Variants in AKT3 observed in about 807,000 individuals in gnomAD.
The protein encoded by AKT3 is RAC-gamma serine/threonine-protein kinase.
In AKT3, 15 loss-of-function variants were observed where a neutral mutation model predicts 65.3. That is an observed-to-expected ratio of 0.23 (90% confidence interval 0.15 to 0.35). AKT3 has a LOEUF of 0.35. Among genes scored for constraint, AKT3 ranks in the 10% least tolerant of loss-of-function variants. AKT3 has a pLI of 1.00. For synonymous variants in AKT3, 206 were observed against 183.8 expected (o/e 1.12, Z -0.98); for missense variants, 243 against 576.5 (o/e 0.42, Z 5.92).
chr1:243,697,057 T>C (rs952718454), intron 2 of AKT3, among the ~76,000 whole-genome samples: 1 of 152,072 alleles, frequency 6.6e-6, no homozygotes, highest in African/African-American at 2.4e-5. Flanking sequence ...TCTCTTTATA[T>C]CCTTAAATAT....
chr1:243,702,396 G>A lies in AKT3; in HGVS notation c.47-6680C>T, dbSNP rs76107267. On this transcript the variant is annotated intron_variant, in intron 2 of 13. Transcript: ENST00000673466. Reference sequence around the variant, plus strand: ...TGAATCCTAATCACATCATTTATTAGATGCATGAACCTAACCTCTTTACAT... The same window carrying A: ...TGAATCCTAATCACATCATTTATTAAATGCATGAACCTAACCTCTTTACAT... 3.7e-3 allele frequency among the ~76,000 whole-genome samples: 562 copies of A among 152,206 alleles called. 2 individuals are homozygous for A. Among genetic ancestry groups the A allele is most frequent in the Admixed American group, 6.1e-3 (93 of 15,284 alleles).
chr1:243,582,780 G>C (rs949147612), intron 8 of AKT3, among the ~76,000 whole-genome samples: 3 of 151,910 alleles, frequency 2.0e-5, no homozygotes, highest in Non-Finnish European at 4.4e-5. Context: ...GAATGTAAAT[G>C]GTCTAAACAC....
intron 3 of AKT3, 84 bp from the exon 4 acceptor site, chr1:243,664,967 T>C: frequency 1.5e-6 from 1 of 670,574 alleles, no homozygotes; most frequent in Non-Finnish European, 2.2e-6. Context: ...AGTTCTATTT[T>C]AAACAAAACC....
intron 2 of AKT3, among the ~76,000 whole-genome samples, chr1:243,763,495 T>C (rs547876622): frequency 6.6e-5 from 10 of 152,228 alleles, no homozygotes; most frequent in Admixed American, 2.0e-4. Flanking sequence ...CAGCCCTTCA[T>C]GGATATCTGT....
At chr1:243,754,435 T>TA (rs1688995721) in intron 2 of AKT3, among the ~76,000 whole-genome samples, 1 of 152,166 alleles carries the variant, frequency 6.6e-6, no homozygotes, top group Non-Finnish European at 1.5e-5. Flanking sequence ...TGGCAACACA[T>TA]AGAGACATTC....
chr1:243,776,364 T>C (rs573945177), intron 2 of AKT3, among the ~76,000 whole-genome samples: 1 of 152,296 alleles, frequency 6.6e-6, no homozygotes, highest in East Asian at 1.9e-4. Context: ...CCCCCTAGTG[T>C]GATATTTGAA....
intron 3 of AKT3, among the ~76,000 whole-genome samples, chr1:243,688,125 T>C (rs1424431646): frequency 6.6e-6 from 1 of 152,084 alleles, no homozygotes; most frequent in Non-Finnish European, 1.5e-5. Flanking sequence ...TATGTATCAA[T>C]TAAAAATGTT....
chr1:243,491,271 A>T (rs1053504117), intron 13 of AKT3, among the ~76,000 whole-genome samples: 1 of 152,166 alleles, frequency 6.6e-6, no homozygotes, highest in Non-Finnish European at 1.5e-5. Flanking sequence ...AAAACGCATT[A>T]AAAAAACCCC....
chr1:243,789,101 G>A (rs1320536595), intron 2 of AKT3, among the ~76,000 whole-genome samples: 1 of 152,236 alleles, frequency 6.6e-6, no homozygotes, highest in Non-Finnish European at 1.5e-5. Flanking sequence ...TGCCTGGCCA[G>A]GGGTGGTAGC....
rs1669079103 is a variant in AKT3, at chr1:243,499,883, G to A, written c.*5366C>T. On this transcript the variant is annotated 3_prime_UTR_variant, in exon 14 of 14. Coordinates refer to ENST00000673466, the MANE Select transcript of AKT3 (RefSeq NM_005465.7). ...CCACAACGCACCACGACCTTCCCAG[G>A]GTGACACCGCCTCAGCCTGCAGTGG... The A allele has an allele frequency of 8.5e-6, 10 of 1,182,584 alleles. No homozygotes were observed. Among genetic ancestry groups the A allele is most frequent in the Non-Finnish European group, 1.2e-5 (10 of 805,544 alleles). The allele number at this position is 1,182,584 out of a possible 1,614,324, so 73.3% of individuals were successfully genotyped here.
At chr1:243,592,333 T>C (rs1676292462) in intron 8 of AKT3, among the ~76,000 whole-genome samples, 1 of 145,704 alleles carries the variant, frequency 6.9e-6, no homozygotes. Context: ...AGACTCCGTC[T>C]CAAAAAAAAA....
chr1:243,801,002 A>T lies in AKT3; in HGVS notation c.46+42123T>A, dbSNP rs541066368. 5.9e-5 allele frequency among the ~76,000 whole-genome samples: 9 copies of T among 152,342 alleles called. No homozygotes were observed. In the South Asian group the frequency reaches 1.9e-3, roughly 32 times the overall value. On this transcript the variant is annotated intron_variant, in intron 2 of 13. Transcript: ENST00000673466. Reference sequence around the variant, plus strand: ...CAAAACACTTCAGAAACATCAAGTTAAATAAAGCTAAGTATGTTGGAAAGA... The same window carrying T: ...CAAAACACTTCAGAAACATCAAGTTTAATAAAGCTAAGTATGTTGGAAAGA...
rs796886491 is a variant in AKT3, at chr1:243,797,971, C to T, written c.46+45154G>A. 2.0e-5 allele frequency among the ~76,000 whole-genome samples: 3 copies of T among 149,954 alleles called. No homozygotes were observed. The East Asian group carries it at 5.9e-4, about 29-fold the overall frequency. Reference sequence around the variant, plus strand: ...GATCTCGGCTCACTAAAAGCTCCACCTCCTGGGCTCATGCCATTCTTCTGC... The same window carrying T: ...GATCTCGGCTCACTAAAAGCTCCACTTCCTGGGCTCATGCCATTCTTCTGC... On this transcript the variant is annotated intron_variant, in intron 2 of 13. Transcript: ENST00000673466.
intron 2 of AKT3, among the ~76,000 whole-genome samples, chr1:243,795,464 TTTTTTTTTTTGG>T (rs1397676671): frequency 0.025 from 2,404 of 96,628 alleles, 47 homozygotes; most frequent in Non-Finnish European, 0.038. Context: ...TTTTTTTTGT[TTTTTTTTTTTGG>T]TTTTTTTTTT....
At chr1:243,586,513 A>G (rs1558634854) in intron 8 of AKT3, among the ~76,000 whole-genome samples, 2 of 152,000 alleles carry the variant, frequency 1.3e-5, no homozygotes, top group Non-Finnish European at 2.9e-5. Flanking sequence ...AATGTGGTGT[A>G]TATATATATA....
At chr1:243,739,953 T>A (rs1178014799) in intron 2 of AKT3, among the ~76,000 whole-genome samples, 1 of 152,358 alleles carries the variant, frequency 6.6e-6, no homozygotes, top group Non-Finnish European at 1.5e-5. Flanking sequence ...TGGATCACTA[T>A]TGCTCATTAT....
At chr1:243,611,597 T>C (rs1172561812) in intron 8 of AKT3, among the ~76,000 whole-genome samples, 1 of 151,974 alleles carries the variant, frequency 6.6e-6, no homozygotes, top group East Asian at 1.9e-4. Context: ...GATGGGAGGA[T>C]AGCTTAAGCT....
At chr1:243,538,632 A>G (rs1672090164) in intron 12 of AKT3, among the ~76,000 whole-genome samples, 1 of 152,152 alleles carries the variant, frequency 6.6e-6, no homozygotes, top group Non-Finnish European at 1.5e-5. Flanking sequence ...GAGTACTTAT[A>G]TTAATATCAG....
intron 2 of AKT3, among the ~76,000 whole-genome samples, chr1:243,744,880 A>G (rs1688385562): frequency 6.6e-6 from 1 of 151,956 alleles, no homozygotes; most frequent in Non-Finnish European, 1.5e-5. Context: ...TCTCATCACC[A>G]TGAGGGGATC....
Sources: allele counts gnomAD v4.1 joint callset (sites outside exome capture counted in the v4.1 genomes callset), GRCh38; gene constraint gnomAD v4.1.1; transcripts MANE v1.5; gene names NCBI Gene and HGNC (gene_info 2026-07-23, HGNC 2026-07-21).